The following RMDN2 variants were observed in gnomAD, a reference collection of about 807,000 sequenced individuals.
RMDN2 encodes regulator of microtubule dynamics 2, also known as regulator of microtubule dynamics protein 2.
In RMDN2, 61 loss-of-function variants were observed where a neutral mutation model predicts 52.8. The observed-to-expected ratio is 1.16, with a 90% confidence interval of 0.94 to 1.43. RMDN2 has a LOEUF of 1.43. Ranked by LOEUF, RMDN2 falls within the 40% of genes most tolerant of loss-of-function variation. RMDN2 has a pLI of 0.00. For synonymous variants in RMDN2, 180 were observed against 153.1 expected (o/e 1.18, Z -1.30); for missense variants, 592 against 475.3 (o/e 1.25, Z -2.28).
chr2:37,997,607 G>A, intron 8 of RMDN2, 93 bp downstream of exon 8: 1 of 835,106 alleles, frequency 1.2e-6, no homozygotes, highest in Non-Finnish European at 2.0e-6. Context: ...TTCTCCATGT[G>A]GAGCCTCAGT....
chr2:38,018,594 C>T (rs1156677227), downstream of RMDN2, among the ~76,000 whole-genome samples: 1 of 152,082 alleles, frequency 6.6e-6, no homozygotes, highest in Non-Finnish European at 1.5e-5. Flanking sequence ...ATCTTAAGTG[C>T]AAGTACAAGT....
chr2:38,028,140 T>G (rs1370821673), intron 10 of RMDN2: 1 of 150,546 alleles, frequency 6.6e-6, no homozygotes, highest in Non-Finnish European at 1.5e-5. Context: ...ATCCAGAGGC[T>G]GATCCAAATT....
chr2:38,024,503 G>T (rs993346776), intron 10 of RMDN2, among the ~76,000 whole-genome samples: 2 of 151,968 alleles, frequency 1.3e-5, no homozygotes, highest in African/African-American at 2.4e-5. Flanking sequence ...CTGATAGGGG[G>T]TTTAATTTGT....
chr2:38,031,150 G>T (rs890214348), intron 10 of RMDN2, among the ~76,000 whole-genome samples: 1 of 152,060 alleles, frequency 6.6e-6, no homozygotes, highest in African/African-American at 2.4e-5. Context: ...GATAATTCAT[G>T]GGAATGGCCT....
In RMDN2 at chr2:38,060,949, A is replaced by C. The variant is rs1217133937; in HGVS notation, c.1714-6033A>C. Among the ~76,000 whole-genome samples the C allele has an allele frequency of 5.3e-5, 8 of 152,326 alleles. No homozygotes were observed. The South Asian group carries it at 1.4e-3, about 28-fold the overall frequency. Reference sequence around the variant, plus strand: ...ATCAGATATAATAAAACTTTGACTCAAAGGCTAGACATAGTGTAGAAAATG... The same window carrying C: ...ATCAGATATAATAAAACTTTGACTCCAAGGCTAGACATAGTGTAGAAAATG... On this transcript the variant is annotated intron_variant, in intron 10 of 10. Coordinates refer to the RMDN2 transcript ENST00000234195.
At position 37,997,563 on chromosome 2, in the gene RMDN2, C is replaced by T. The variant is rs1236733270; in HGVS notation, c.1044+49C>T. 1.1e-5 allele frequency: 13 copies of T among 1,142,638 alleles called. No individual in the cohort carries two copies. In the East Asian group the frequency reaches 3.0e-4, roughly 27 times the overall value. The allele number at this position is 1,142,638 out of a possible 1,614,324, so 70.8% of individuals were successfully genotyped here. On this transcript the variant is annotated intron_variant, in intron 8 of 10. Transcript: ENST00000354545. ...TTAGTGTCAGACTGATTACCATCTG[C>T]ACCAATCCCTGCTGCCGTTGTCAAG...
intron 2 of RMDN2, among the ~76,000 whole-genome samples, chr2:37,955,529 A>T (rs1054971930): frequency 6.6e-6 from 1 of 152,030 alleles, no homozygotes; most frequent in Admixed American, 6.6e-5. Context: ...CTCAACTTGA[A>T]TTGTATCTCC....
chr2:37,974,166 G>A lies in RMDN2; in HGVS notation c.579G>A (p.Glu193=), dbSNP rs1257759781. Residue 193 remains glutamate, a synonymous_variant, in exon 3 of 11, where the codon GAG becomes GAA. Transcript: ENST00000354545. ...AGGTAGATCATTTACGTATGAGTGA[G>A]TCTGGCAAGTCGGAGAGTTTTGAAC... The part of the protein sequence containing the change: ...LQKVDHLRMS[E]SGKSESFELL... 3 of 1,613,378 alleles carry A rather than the reference G, an allele frequency of 1.9e-6. No homozygotes were observed. The highest frequency in any genetic ancestry group is 1.7e-5 in the Admixed American group (1 of 59,896).
intron 5 of RMDN2, among the ~76,000 whole-genome samples, chr2:37,981,827 C>CAA (rs573016623): frequency 6.8e-6 from 1 of 147,348 alleles, no homozygotes; most frequent in African/African-American, 2.5e-5. Context: ...ATCCTTAGAG[C>CAA]AAAAAAAAAA....
chr2:38,009,858 T>G (rs1234874540), intron 10 of RMDN2, among the ~76,000 whole-genome samples: 1 of 152,174 alleles, frequency 6.6e-6, no homozygotes, highest in Non-Finnish European at 1.5e-5. Context: ...ACCTTTGGTC[T>G]TTGATGATGG....
intron 10 of RMDN2, among the ~76,000 whole-genome samples, chr2:38,024,774 A>G (rs1473110222): frequency 1.3e-5 from 2 of 152,138 alleles, no homozygotes; most frequent in African/African-American, 4.8e-5. Context: ...TTTGCCTCCA[A>G]ATCTGCTGAA....
At chr2:38,007,335 T>C (rs1379438654) in intron 10 of RMDN2, among the ~76,000 whole-genome samples, 3 of 152,216 alleles carry the variant, frequency 2.0e-5, no homozygotes, top group Non-Finnish European at 2.9e-5. Context: ...CATCTGGTCC[T>C]GGACTTCTTT....
intron 2 of RMDN2, among the ~76,000 whole-genome samples, chr2:37,970,422 T>G (rs116120545): frequency 2.0e-4 from 31 of 152,344 alleles, no homozygotes; most frequent in Admixed American, 3.9e-4. Flanking sequence ...TTATATTTGT[T>G]GCAATAGCTT....
At chr2:37,999,776 C>G (rs1676069780) in intron 8 of RMDN2, among the ~76,000 whole-genome samples, 1 of 152,072 alleles carries the variant, frequency 6.6e-6, no homozygotes, top group South Asian at 2.1e-4. Context: ...AAAGAGCGTT[C>G]ACAGGGGCCA....
rs987048957 is a variant in RMDN2 at position 37,970,356 on chromosome 2, G to A, written c.453-3684G>A. 3.9e-5 allele frequency among the ~76,000 whole-genome samples: 6 copies of A among 152,238 alleles called. 1 individual carries two copies. The highest frequency in any genetic ancestry group is 3.9e-4 in the Admixed American group (6 of 15,290). ...TGTTGCGCCAGAGAAATTGTCTAAT[G>A]TCAAACTGTGCTTGTAATTTCTAGT... On this transcript the variant is annotated intron_variant, in intron 2 of 10. Transcript: ENST00000354545.
At chr2:38,049,606 T>C (rs796616800) in intron 10 of RMDN2, among the ~76,000 whole-genome samples, 24 of 152,340 alleles carry the variant, frequency 1.6e-4, no homozygotes, top group African/African-American at 5.3e-4. Context: ...AAGGTCTCAC[T>C]CTGTCATCCA....
At chr2:38,066,970 T>G in intron 10 of RMDN2, 1 of 1,613,860 alleles carries the variant, frequency 6.2e-7, no homozygotes, top group Non-Finnish European at 8.5e-7. Context: ...TTTCCTGTTT[T>G]CACATTAATA....
At chr2:37,978,330 G>A (rs1672834015) in intron 4 of RMDN2, among the ~76,000 whole-genome samples, 1 of 127,732 alleles carries the variant, frequency 7.8e-6, no homozygotes, top group South Asian at 2.9e-4. Flanking sequence ...GGGGGAGAGG[G>A]AGGGGGAGGG....
At chr2:38,011,255 A>G (rs761640804) in intron 10 of RMDN2, among the ~76,000 whole-genome samples, 10 of 152,236 alleles carry the variant, frequency 6.6e-5, no homozygotes, top group Non-Finnish European at 1.2e-4. Context: ...TTAATGAAAA[A>G]TAAACTATTG....
Sources: gnomAD v4.1 joint callset for allele counts (sites outside exome capture counted in the v4.1 genomes callset) on GRCh38, gnomAD v4.1.1 for gene constraint, MANE v1.5 for transcripts, NCBI Gene and HGNC (gene_info 2026-07-23, HGNC 2026-07-21) for gene names.